CSPP1: variants seen among roughly 807,000 people sequenced by gnomAD.
The protein encoded by CSPP1 is centrosome and spindle pole-associated protein 1.
Under a neutral mutation model 164.4 loss-of-function variants are expected in CSPP1, and 126 were observed. The observed-to-expected ratio is 0.77, with a 90% CI of 0.66 to 0.89. CSPP1 has a LOEUF of 0.89. Among genes scored for constraint, CSPP1 ranks in the 40% least tolerant of loss-of-function variants. CSPP1 has a pLI of 0.00. For missense variants in CSPP1, 1,395 were observed against 1,449.8 expected, an observed-to-expected ratio of 0.96 and a Z score of 0.61; for synonymous variants, 472 against 476.7, an observed-to-expected ratio of 0.99 and a Z score of 0.13.
intron 19 of CSPP1, among the ~76,000 whole-genome samples, chr8:67,156,185 C>A (rs1215496179): frequency 3.3e-5 from 5 of 152,066 alleles, no homozygotes; most frequent in African/African-American, 4.8e-5. Context: ...CTCATCAAAC[C>A]TCAGATTTCT....
At position 67,131,947 on chromosome 8, in the gene CSPP1, G is replaced by C. The variant is rs780353755; in HGVS notation, c.1698-4G>C. 2 of 1,591,192 alleles carry C rather than the reference G, an allele frequency of 1.3e-6. No individual in the cohort carries two copies. The highest frequency in any genetic ancestry group is 2.7e-5 in the African/African-American group (2 of 74,030). On this transcript the variant is annotated splice_region_variant and splice_polypyrimidine_tract_variant and intron_variant, in intron 15 of 30. Transcript: ENST00000678616. Reference sequence around the variant, plus strand: ...TTAAATTATTTATTGTGTATTTGATGTAGGAATACGGTTGGACAGAATGAA... The same window carrying C: ...TTAAATTATTTATTGTGTATTTGATCTAGGAATACGGTTGGACAGAATGAA...
intron 25 of CSPP1, 57 bp downstream of exon 25, chr8:67,172,612 A>G (rs1011327865): frequency 1.4e-6 from 2 of 1,424,752 alleles, no homozygotes; most frequent in Middle Eastern, 1.8e-4. Context: ...CCATATTTAA[A>G]TATCTATAAA....
chr8:67,108,652 G>A (rs181480633), intron 9 of CSPP1, among the ~76,000 whole-genome samples: 1 of 152,228 alleles, frequency 6.6e-6, no homozygotes, highest in African/African-American at 2.4e-5. Flanking sequence ...CCCCTTCTCC[G>A]CAGTATATTG....
intron 3 of CSPP1, among the ~76,000 whole-genome samples, chr8:67,079,633 A>G (rs191998306): frequency 1.3e-5 from 2 of 152,294 alleles, no homozygotes; most frequent in East Asian, 3.9e-4. Flanking sequence ...AAATCTGATC[A>G]TATTAGTCTC....
chr8:67,117,744 T>C (rs73693123), intron 13 of CSPP1, among the ~76,000 whole-genome samples: 3,683 of 152,290 alleles, frequency 0.024, 131 homozygotes, highest in African/African-American at 0.082. Flanking sequence ...TCCAGTAGCA[T>C]GGCTTAAGCG....
At chr8:67,141,580 G>T (rs1357464923) in intron 17 of CSPP1, among the ~76,000 whole-genome samples, 1 of 152,204 alleles carries the variant, frequency 6.6e-6, no homozygotes, top group East Asian at 1.9e-4. Flanking sequence ...GGAGTGCAAT[G>T]ATGCAATCTC....
At chr8:67,077,766 A>C (rs7009678) in intron 3 of CSPP1, among the ~76,000 whole-genome samples, 5,842 of 152,222 alleles carry the variant, frequency 0.038, 247 homozygotes, top group African/African-American at 0.091. Flanking sequence ...CTTTTCATGG[A>C]TGTAGGTATA....
At chr8:67,150,997 G>A (rs1177661944) in intron 18 of CSPP1, among the ~76,000 whole-genome samples, 1 of 152,178 alleles carries the variant, frequency 6.6e-6, no homozygotes, top group African/African-American at 2.4e-5. Context: ...GACTGATCAT[G>A]TAGTCTTTTT....
rs1172369424 is a variant in CSPP1 at position 67,159,509 on chromosome 8, C to CTTTTT, written c.2538+397_2538+401dup. On this transcript the variant is annotated intron_variant, in intron 21 of 30. Transcript: ENST00000678616. ...GTTTATATATATATATATATGTATT[C>CTTTTT]TTTTTTTTTTTTTTTTTTTTTTTTT... is the stretch of plus-strand genomic sequence containing the variant. 6.7e-4 allele frequency among the ~76,000 whole-genome samples: 33 copies of CTTTTT among 48,918 alleles called. 2 individuals are homozygous for CTTTTT. Among genetic ancestry groups the CTTTTT allele is most frequent in the South Asian group, 2.3e-3 (3 of 1,308 alleles). The allele number at this position is 48,918 out of a possible 152,430, so 32.1% of individuals were successfully genotyped here. A position where few individuals can be genotyped will look rare whatever the true frequency, so the allele number is the denominator to read the frequency against.
intron 24 of CSPP1, among the ~76,000 whole-genome samples, chr8:67,171,493 A>G (rs945006341): frequency 1.3e-5 from 2 of 152,024 alleles, no homozygotes; most frequent in African/African-American, 4.8e-5. Context: ...GGCTCAATCA[A>G]TCCTCTCATC....
At chr8:67,102,786 T>A (rs959424217) in intron 7 of CSPP1, among the ~76,000 whole-genome samples, 1 of 152,224 alleles carries the variant, frequency 6.6e-6, no homozygotes, top group Non-Finnish European at 1.5e-5. Flanking sequence ...GTTTTAAAAA[T>A]AAAAATTTAT....
At chr8:67,160,823 T>C (rs1586628076) in intron 21 of CSPP1, among the ~76,000 whole-genome samples, 1 of 151,912 alleles carries the variant, frequency 6.6e-6, no homozygotes, top group East Asian at 1.9e-4. Context: ...TTTTTATTTT[T>C]ATTTATTTAT....
At position 67,094,377 on chromosome 8, in the gene CSPP1, G is replaced by A. The variant is rs530324793; in HGVS notation, c.483+736G>A. Among the ~76,000 whole-genome samples, 5 of 148,796 alleles carry A rather than the reference G, an allele frequency of 3.4e-5. No individual in the cohort carries two copies. The East Asian group carries it at 6.2e-4, about 19-fold the overall frequency. ...CAACCTCCACTTCCTGGCTTCAGGCGATTCTCCTGCCTCAGCCTCTGGAGT... is the reference window on the plus strand; with the variant it reads ...CAACCTCCACTTCCTGGCTTCAGGCAATTCTCCTGCCTCAGCCTCTGGAGT... On this transcript the variant is annotated intron_variant, in intron 6 of 30. Coordinates refer to ENST00000678616, the MANE Select transcript of CSPP1 (RefSeq NM_001382391.1).
In CSPP1 at chr8:67,114,106, T is replaced by C. The variant is rs769611194; in HGVS notation, c.1246-223T>C. On this transcript the variant is annotated intron_variant, in intron 11 of 30. Coordinates refer to ENST00000678616, the MANE Select transcript of CSPP1 (RefSeq NM_001382391.1). ...GTTTAAATTAGTTCTCTCTGCTTTA[T>C]TCACATGTACTATTCCATGGGAAAG... is the stretch of plus-strand genomic sequence containing the variant. 2.1e-4 allele frequency: 70 copies of C among 333,610 alleles called. 1 individual carries two copies. Among genetic ancestry groups the C allele is most frequent in the Non-Finnish European group, 2.7e-4 (50 of 183,772 alleles). The allele number at this position is 333,610 out of a possible 1,614,324, so 20.7% of individuals were successfully genotyped here. A position where few individuals can be genotyped will look rare whatever the true frequency, so the allele number is the denominator to read the frequency against.
intron 3 of CSPP1, among the ~76,000 whole-genome samples, chr8:67,078,387 G>A (rs1808401085): frequency 6.6e-6 from 1 of 151,902 alleles, no homozygotes; most frequent in Non-Finnish European, 1.5e-5. Context: ...TGTCGCCCAG[G>A]CTGGAGTGCA....
chr8:67,108,637 A>C (rs188970928), intron 9 of CSPP1, among the ~76,000 whole-genome samples: 3 of 152,242 alleles, frequency 2.0e-5, no homozygotes, highest in Admixed American at 2.0e-4. Context: ...CTCCCTCCAC[A>C]CTTTCCCCTT....
At chr8:67,192,785 G>A (rs1836736184) in intron 29 of CSPP1, among the ~76,000 whole-genome samples, 1 of 152,008 alleles carries the variant, frequency 6.6e-6, no homozygotes, top group Non-Finnish European at 1.5e-5. Context: ...ACTGCATTTT[G>A]TTAACTCCGT....
intron 3 of CSPP1, among the ~76,000 whole-genome samples, chr8:67,083,083 T>G (rs914381607): frequency 1.3e-5 from 2 of 152,156 alleles, no homozygotes; most frequent in African/African-American, 4.8e-5. Context: ...AAATAAGAAT[T>G]AAAAAGTTAG....
chr8:67,128,489 A>C (rs577543210), intron 15 of CSPP1, among the ~76,000 whole-genome samples: 2 of 151,518 alleles, frequency 1.3e-5, no homozygotes, highest in African/African-American at 4.9e-5. Flanking sequence ...CAGTGAGCCA[A>C]GATCACGCCA....
Sources: gnomAD v4.1 joint callset for allele counts (sites outside exome capture counted in the v4.1 genomes callset) on GRCh38, gnomAD v4.1.1 for gene constraint, MANE v1.5 for transcripts, NCBI Gene and HGNC (gene_info 2026-07-23, HGNC 2026-07-21) for gene names.